The following TSNARE1 variants were observed in gnomAD, a reference collection of about 807,000 sequenced individuals.
TSNARE1 encodes the protein t-SNARE domain-containing protein 1.
A neutral mutation model predicts 62.0 loss-of-function variants in TSNARE1; 49 were observed. The ratio of observed to expected loss-of-function variants is 0.79; its 90% CI spans 0.63 to 1.00. The LOEUF is 1.00. Among genes scored for constraint, TSNARE1 ranks in the 50% least tolerant of loss-of-function variants. TSNARE1 has a pLI of 0.00. For missense variants in TSNARE1, 755 were observed against 700.1 expected (o/e 1.08, Z -0.88); for synonymous variants, 328 against 294.4 (o/e 1.11, Z -1.17).
intron 12 of TSNARE1, among the ~76,000 whole-genome samples, chr8:142,249,989 C>G (rs1294113371): frequency 6.6e-6 from 1 of 152,098 alleles, no homozygotes; most frequent in Admixed American, 6.5e-5. Context: ...GAGTGGGGGC[C>G]GGGGGATGCC....
At chr8:142,378,659 C>T (rs948576894) in intron 1 of TSNARE1, among the ~76,000 whole-genome samples, 2 of 152,298 alleles carry the variant, frequency 1.3e-5, no homozygotes, top group Admixed American at 6.5e-5. Context: ...TTACAGGAAA[C>T]GCTCAGAACC....
chr8:142,233,823 A>T (rs781271198), intron 12 of TSNARE1, among the ~76,000 whole-genome samples: 19 of 152,136 alleles, frequency 1.2e-4, no homozygotes, highest in Admixed American at 7.9e-4. Context: ...ATGCCTTCCC[A>T]GATGTCCCAA....
At chr8:142,342,301 A>G (rs1238755935) in intron 4 of TSNARE1, among the ~76,000 whole-genome samples, 1 of 152,200 alleles carries the variant, frequency 6.6e-6, no homozygotes, top group Non-Finnish European at 1.5e-5. Flanking sequence ...GCCCGTGACC[A>G]GAGATGCCTA....
At chr8:142,218,519 C>G (rs1039034515) in intron 13 of TSNARE1, among the ~76,000 whole-genome samples, 3 of 152,228 alleles carry the variant, frequency 2.0e-5, no homozygotes, top group Non-Finnish European at 4.4e-5. Context: ...ATGTCCCCCT[C>G]TCATCCCACT....
At chr8:142,317,280 CTG>C (rs951183441) in intron 7 of TSNARE1, among the ~76,000 whole-genome samples, 1 of 149,662 alleles carries the variant, frequency 6.7e-6, no homozygotes, top group Non-Finnish European at 1.5e-5. Flanking sequence ...GCGGCTCACA[CTG>C]TACGCGTGAA....
chr8:142,214,561 T>C (rs1039497320), intron 13 of TSNARE1, among the ~76,000 whole-genome samples: 1 of 152,054 alleles, frequency 6.6e-6, no homozygotes, highest in Non-Finnish European at 1.5e-5. Context: ...TTCCCTCTGC[T>C]GGAATGATTT....
chr8:142,283,164 G>A (rs1280692582), intron 11 of TSNARE1, among the ~76,000 whole-genome samples: 16 of 150,756 alleles, frequency 1.1e-4, no homozygotes, highest in African/African-American at 3.4e-4. Context: ...CAGAGGTGGG[G>A]CCAGTGTCTG....
At chr8:142,222,472 C>CCACTAATT (rs1816372760) in intron 13 of TSNARE1, among the ~76,000 whole-genome samples, 1 of 34,104 alleles carries the variant, frequency 2.9e-5, no homozygotes, top group Non-Finnish European at 6.1e-5. Flanking sequence ...ATCCACTCAT[C>CCACTAATT]CACTCACTCA....
chr8:142,213,294 G>A (rs753022517), intron 13 of TSNARE1, among the ~76,000 whole-genome samples: 6 of 128,694 alleles, frequency 4.7e-5, no homozygotes, highest in Admixed American at 3.3e-4. Flanking sequence ...TGCGGACTCC[G>A]GGGCTGGGGA....
intron 12 of TSNARE1, among the ~76,000 whole-genome samples, chr8:142,242,436 CT>C (rs1817708334): frequency 6.6e-6 from 1 of 152,198 alleles, no homozygotes; most frequent in Non-Finnish European, 1.5e-5. Flanking sequence ...AACTAAAAAG[CT>C]TCTGTCCAGC....
At chr8:142,299,220 C>A (rs73368562) in intron 10 of TSNARE1, among the ~76,000 whole-genome samples, 1 of 152,170 alleles carries the variant, frequency 6.6e-6, no homozygotes, top group East Asian at 1.9e-4. Context: ...GGCCACAGAA[C>A]TAAGGGGCAA....
intron 1 of TSNARE1, among the ~76,000 whole-genome samples, chr8:142,394,390 T>A (rs1323274409): frequency 6.6e-6 from 1 of 152,136 alleles, no homozygotes; most frequent in African/African-American, 2.4e-5. Flanking sequence ...AGCTACAGAA[T>A]CTTTTCTCCA....
chr8:142,403,127 C>A lies in TSNARE1; in HGVS notation c.-63G>T. 6.7e-6 allele frequency: 1 copy of A among 148,948 alleles called. No individual in the cohort carries two copies. Among genetic ancestry groups the A allele is most frequent in the South Asian group, 2.0e-4 (1 of 5,028 alleles). 9.2% of individuals were successfully genotyped at this position (148,948 alleles called of 1,614,324 possible). A position where few individuals can be genotyped will look rare whatever the true frequency, so the allele number is the denominator to read the frequency against. The stretch of plus-strand genomic sequence containing the variant: ...ACCTGGGCCTCGGTGGCTCGCGGAC[C>A]GCTCCGGGCGCTCACGGCGGGCGAG... On this transcript the variant is annotated 5_prime_UTR_variant, in exon 1 of 14. Coordinates refer to ENST00000524325, the MANE Select transcript of TSNARE1 (RefSeq NM_145003.5).
rs189644381 is a variant in TSNARE1, at chr8:142,372,621, C to T, written c.-39-17858G>A. 1.8e-4 allele frequency among the ~76,000 whole-genome samples: 27 copies of T among 152,260 alleles called. No homozygotes were observed. In the East Asian group the frequency reaches 3.7e-3, roughly 21 times the overall value. The stretch of plus-strand genomic sequence containing the variant: ...CCTGGGGGCACCCCTGGCACATTCC[C>T]GAGCCTCTGTGCCCCTCCTCCATGA... On this transcript the variant is annotated intron_variant, in intron 1 of 13. Coordinates refer to ENST00000524325, the MANE Select transcript of TSNARE1 (RefSeq NM_145003.5).
intron 9 of TSNARE1, among the ~76,000 whole-genome samples, chr8:142,304,832 G>A (rs531848821): frequency 1.3e-5 from 2 of 152,188 alleles, no homozygotes; most frequent in African/African-American, 4.8e-5. Flanking sequence ...GTTCCTCCCA[G>A]GGGGGACATG....
intron 11 of TSNARE1, chr8:142,276,496 C>A (rs1465060493): frequency 2.0e-6 from 2 of 985,338 alleles, no homozygotes; most frequent in East Asian, 2.3e-4. Flanking sequence ...CCTGGCCTCG[C>A]TTCTGTTGCT....
At position 142,344,470 on chromosome 8, in the gene TSNARE1, G is replaced by A. The variant is rs774325315; in HGVS notation, c.241C>T (p.Pro81Ser). The A allele has an allele frequency of 5.9e-6, 9 of 1,537,296 alleles. No individual in the cohort carries two copies. The highest frequency in any genetic ancestry group is 1.2e-5 in the South Asian group (1 of 80,042). ...PIVPRARKRG[P>S]GVAPEGSRMP... ...CGGCTGCCTTCAGGGGCAACCCCAG[G>A]CCCTGGAAAGGCACCAAAAGGCGGA... The change falls in exon 4 of 14, where the codon CCT (proline) becomes TCT (serine). Residue 81 changes from proline to serine, a missense_variant and splice_region_variant. Physicochemically the swap from Pro to Ser is moderately conservative, Grantham distance 74. Coordinates refer to ENST00000524325, the MANE Select transcript of TSNARE1 (RefSeq NM_145003.5).
intron 13 of TSNARE1, among the ~76,000 whole-genome samples, chr8:142,213,690 G>T (rs1390843631): frequency 1.3e-5 from 2 of 152,166 alleles, no homozygotes; most frequent in Non-Finnish European, 2.9e-5. Flanking sequence ...CTCACTGCTG[G>T]CTCCCCGAAA....
intron 11 of TSNARE1, chr8:142,275,930 T>C: frequency 2.0e-6 from 2 of 985,276 alleles, no homozygotes; most frequent in Non-Finnish European, 2.4e-6. Flanking sequence ...GACTCCCTAC[T>C]CTCATCAGGG....
Sources: allele counts gnomAD v4.1 joint callset (sites outside exome capture counted in the v4.1 genomes callset), GRCh38; gene constraint gnomAD v4.1.1; transcripts MANE v1.5; gene names NCBI Gene and HGNC (gene_info 2026-07-23, HGNC 2026-07-21).